PCDHGB6: variants seen among roughly 807,000 people sequenced by gnomAD.
The protein encoded by PCDHGB6 is protocadherin gamma-B6.
Under a neutral mutation model 59.1 loss-of-function variants are expected in PCDHGB6, and 51 were observed. The observed-to-expected ratio is 0.86, with a 90% CI of 0.69 to 1.09. The LOEUF is 1.09. PCDHGB6 is among the 50% of genes least tolerant of loss of function. PCDHGB6 has a pLI of 0.00. For synonymous variants in PCDHGB6, 466 were observed against 495.1 expected, an observed-to-expected ratio of 0.94 and a Z score of 0.78; for missense variants, 1,148 against 1,205.1, an observed-to-expected ratio of 0.95 and a Z score of 0.70.
intron 2 of PCDHGB6, among the ~76,000 whole-genome samples, chr5:141,502,472 A>G (rs1450967250): frequency 1.3e-5 from 2 of 150,886 alleles, no homozygotes; most frequent in Non-Finnish European, 2.9e-5. Flanking sequence ...TACTTCCCGC[A>G]GCATCACACT....
At chr5:141,454,000 T>C (rs1048921374) in intron 1 of PCDHGB6, among the ~76,000 whole-genome samples, 2 of 152,214 alleles carry the variant, frequency 1.3e-5, no homozygotes, top group African/African-American at 4.8e-5. Flanking sequence ...TAAACCCACA[T>C]AACATTTTAG....
chr5:141,485,867 G>A lies in PCDHGB6; in HGVS notation c.2419-8940G>A. On this transcript the variant is annotated intron_variant, in intron 1 of 3. Coordinates refer to ENST00000520790, the MANE Select transcript of PCDHGB6 (RefSeq NM_018926.3). The surrounding 1 kb of genome is among the most constrained non-coding windows in gnomAD (Gnocchi z 5.7). ...TGGCACCGCAGAGCTCCGGGTATCC[G>A]TGCTGGACGTAAACGACAACGCCCC... The A allele has an allele frequency of 1.9e-6, 3 of 1,614,164 alleles. No homozygotes were observed. Among genetic ancestry groups the A allele is most frequent in the Non-Finnish European group, 8.5e-7 (1 of 1,180,040 alleles).
chr5:141,455,738 A>G (rs896060095), intron 1 of PCDHGB6, among the ~76,000 whole-genome samples: 2 of 152,140 alleles, frequency 1.3e-5, no homozygotes, highest in Non-Finnish European at 2.9e-5. Flanking sequence ...TTGCATATCA[A>G]AGGTTGCTGG....
chr5:141,489,013 C>T lies in PCDHGB6; in HGVS notation c.2419-5794C>T, dbSNP rs533320646. ...AGGTGGGAGATCTGCTCTTCCAGCC[C>T]GCCTCTCCTCCTCCAGCTCCCCAGC... On this transcript the variant is annotated intron_variant, in intron 1 of 3. Coordinates refer to ENST00000520790, the MANE Select transcript of PCDHGB6 (RefSeq NM_018926.3). The surrounding 1 kb of genome is among the most constrained non-coding windows in gnomAD (Gnocchi z 4.5). 4.6e-5 allele frequency: 20 copies of T among 438,612 alleles called. No homozygotes were observed. Among genetic ancestry groups the T allele is most frequent in the East Asian group, 2.7e-4 (8 of 29,802 alleles). The allele number at this position is 438,612 out of a possible 1,614,324, so 27.2% of individuals were successfully genotyped here.
chr5:141,410,837 TTTTGTC>T, intron 1 of PCDHGB6: 3 of 501,732 alleles, frequency 6.0e-6, no homozygotes. Context: ...ACTGAAGATA[TTTTGTC>T]TTTGTCTTTT....
rs1562142740 is a variant in PCDHGB6, at chr5:141,490,958, ACT to A, written c.2419-3847_2419-3846del. 1 of 1,613,728 alleles carries A rather than the reference ACT, an allele frequency of 6.2e-7. No homozygotes were observed. Among genetic ancestry groups the A allele is most frequent in the Non-Finnish European group, 8.5e-7 (1 of 1,179,830 alleles). On this transcript the variant is annotated intron_variant, in intron 1 of 3. Transcript: ENST00000520790. The surrounding 1 kb of genome is among the most constrained non-coding windows in gnomAD (Gnocchi z 5.4). Reference sequence around the variant, plus strand: ...CTGCACCCACGGCCAGACTGGGAACACTCAGCCCCCCAGCGTCTCCCTCGCTC... The same window carrying A: ...CTGCACCCACGGCCAGACTGGGAACACAGCCCCCCAGCGTCTCCCTCGCTC...
intron 1 of PCDHGB6, chr5:141,427,571 G>A: frequency 1.5e-6 from 1 of 662,942 alleles, no homozygotes. Flanking sequence ...GCAAGCCTCC[G>A]CTCTCATCCA....
At chr5:141,452,673 G>A (rs2098746812) in intron 1 of PCDHGB6, among the ~76,000 whole-genome samples, 1 of 151,896 alleles carries the variant, frequency 6.6e-6, no homozygotes, top group Non-Finnish European at 1.5e-5. Flanking sequence ...CTCCAGCCTA[G>A]GCCACAGAAT....
intron 1 of PCDHGB6, among the ~76,000 whole-genome samples, chr5:141,435,451 CTGTA>C: frequency 6.6e-6 from 1 of 152,258 alleles, no homozygotes; most frequent in Non-Finnish European, 1.5e-5. Context: ...AATACGATAT[CTGTA>C]TGTGTTTCCA....
At chr5:141,421,587 G>T (rs758433133) in intron 1 of PCDHGB6, 6 of 1,613,900 alleles carry the variant, frequency 3.7e-6, no homozygotes, top group Non-Finnish European at 4.2e-6. Flanking sequence ...TTTACGGAGT[G>T]GAGGTGGAAA....
rs1298448753 is a variant in PCDHGB6 at position 141,486,417 on chromosome 5, G to A, written c.2419-8390G>A. 1 of 1,614,132 alleles carries A rather than the reference G, an allele frequency of 6.2e-7. No individual in the cohort carries two copies. Among genetic ancestry groups the A allele is most frequent in the Non-Finnish European group, 8.5e-7 (1 of 1,179,998 alleles). ...CTGGTGACTGCTGGACCCTTGGATC[G>A]AGAGGCCAAATCTAGCTATGACATC... On this transcript the variant is annotated intron_variant, in intron 1 of 3. Transcript: ENST00000520790. The surrounding 1 kb of genome is among the most constrained non-coding windows in gnomAD (Gnocchi z 5.0).
chr5:141,472,795 G>A (rs939788734), intron 1 of PCDHGB6, among the ~76,000 whole-genome samples: 1 of 151,794 alleles, frequency 6.6e-6, no homozygotes, highest in Non-Finnish European at 1.5e-5. Flanking sequence ...AGATCAGCCT[G>A]ACCAACATGG....
intron 1 of PCDHGB6, chr5:141,417,573 C>A: frequency 2.7e-6 from 1 of 377,070 alleles, no homozygotes; most frequent in Non-Finnish European, 4.7e-6. Flanking sequence ...AGTCAAGTTG[C>A]AGTCCCACAC....
chr5:141,433,354 T>TCTGC, intron 1 of PCDHGB6: 2 of 602,322 alleles, frequency 3.3e-6, no homozygotes, highest in South Asian at 2.1e-5. Context: ...CCACCTACTG[T>TCTGC]CTGCCTATCT....
At chr5:141,467,059 T>C (rs1157689140) in intron 1 of PCDHGB6, among the ~76,000 whole-genome samples, 2 of 151,064 alleles carry the variant, frequency 1.3e-5, no homozygotes, top group African/African-American at 2.4e-5. Context: ...TGTTTTCTTT[T>C]TTTTTTTTTT....
At position 141,487,421 on chromosome 5, in the gene PCDHGB6, C is replaced by A. The variant is rs1365581881; in HGVS notation, c.2419-7386C>A. On this transcript the variant is annotated intron_variant, in intron 1 of 3. Coordinates refer to ENST00000520790, the MANE Select transcript of PCDHGB6 (RefSeq NM_018926.3). This position sits in a 1 kb window ranked among gnomAD's most constrained non-coding sequence, Gnocchi z 5.0. ...GGGGCTTCCCCCTTCCAATGGGATC[C>A]TCCGAATCCAGCTAGGGTCAGATGA... 2 of 1,614,026 alleles carry A rather than the reference C, an allele frequency of 1.2e-6. No individual in the cohort carries two copies. Among genetic ancestry groups the A allele is most frequent in the South Asian group, 1.1e-5 (1 of 91,086 alleles).
chr5:141,433,313 C>T (rs2097582516), intron 1 of PCDHGB6: 5 of 866,388 alleles, frequency 5.8e-6, no homozygotes, highest in Admixed American at 2.8e-5. Context: ...CCCACCTTTG[C>T]CTCCGGTGTA....
chr5:141,466,147 G>A (rs2099117729), intron 1 of PCDHGB6, among the ~76,000 whole-genome samples: 1 of 151,722 alleles, frequency 6.6e-6, no homozygotes, highest in South Asian at 2.1e-4. Flanking sequence ...TGAAAACTCT[G>A]GTCTTAAACT....
intron 2 of PCDHGB6, among the ~76,000 whole-genome samples, chr5:141,500,212 ATT>A (rs1336187706): frequency 5.4e-5 from 8 of 148,798 alleles, no homozygotes; most frequent in African/African-American, 2.0e-4. Context: ...TTATTTATTT[ATT>A]TATTTATTTA....
Sources: gnomAD v4.1 joint callset for allele counts (sites outside exome capture counted in the v4.1 genomes callset) on GRCh38, gnomAD v4.1.1 for gene constraint, Gnocchi (gnomAD v3.1) non-coding constraint, MANE v1.5 for transcripts, NCBI Gene and HGNC (gene_info 2026-07-23, HGNC 2026-07-21) for gene names.